AFF4: variants seen among roughly 807,000 people sequenced by gnomAD.
AFF4 encodes ALF transcription elongation factor 4, also known as AF4/FMR2 family member 4.
A neutral mutation model predicts 124.8 loss-of-function variants in AFF4; 13 were observed. The ratio of observed to expected loss-of-function variants is 0.10; its 90% CI spans 0.07 to 0.17. AFF4 has a LOEUF of 0.17. AFF4 is among the 10% of genes least tolerant of loss of function. AFF4 has a pLI of 1.00. For missense variants in AFF4, 1,092 were observed against 1,403.8 expected (o/e 0.78, Z 3.55); for synonymous variants, 477 against 496.1 (o/e 0.96, Z 0.51).
chr5:132,960,103 G>A (rs114940720), intron 1 of AFF4, among the ~76,000 whole-genome samples: 1 of 152,126 alleles, frequency 6.6e-6, no homozygotes, highest in African/African-American at 2.4e-5. Context: ...AAGGTAACAG[G>A]TCAGGTTAGC....
chr5:132,880,419 T>C lies in AFF4; in HGVS notation c.*640A>G, dbSNP rs954797928. ...AGACACATTTCATAGTACATACATG[T>C]AGAATGCCATTTTCTCATATTTAAG... is the stretch of plus-strand genomic sequence containing the variant. On this transcript the variant is annotated 3_prime_UTR_variant, in exon 21 of 21. Transcript: ENST00000265343. 4.8e-5 allele frequency: 19 copies of C among 398,566 alleles called. No homozygotes were observed. The highest frequency in any genetic ancestry group is 6.2e-4 in the Middle Eastern group (1 of 1,606). 24.7% of individuals were successfully genotyped at this position (398,566 alleles called of 1,614,324 possible). A position where few individuals can be genotyped will look rare whatever the true frequency, so the allele number is the denominator to read the frequency against.
chr5:132,931,682 G>A (rs1208379135), intron 4 of AFF4, among the ~76,000 whole-genome samples: 1 of 152,194 alleles, frequency 6.6e-6, no homozygotes, highest in East Asian at 1.9e-4. Context: ...GCGGCCAGGC[G>A]CGGTGACTCA....
intron 20 of AFF4, among the ~76,000 whole-genome samples, chr5:132,882,562 T>C (rs985588925): frequency 6.6e-6 from 1 of 152,048 alleles, no homozygotes; most frequent in African/African-American, 2.4e-5. Context: ...TTTTAAAGAA[T>C]GTTAAGAATT....
Position 132,896,706 on chromosome 5 carries a change from C to T in AFF4, c.1924G>A (p.Glu642Lys), listed in dbSNP as rs1431582988. ...GATGAGGTATCTGTTTCTATGATTT[C>T]CCTTGATTTCTGGGAAGATTTACTT... ...STSKSSQKSR[E>K]IIETDTSSSD... The change falls in exon 11 of 21, where the codon GAA (glutamate) becomes AAA (lysine). Residue 642 changes from glutamate to lysine, a missense_variant. Coordinates refer to ENST00000265343, the MANE Select transcript of AFF4 (RefSeq NM_014423.4). The T allele has an allele frequency of 6.2e-7, 1 of 1,614,078 alleles. No individual in the cohort carries two copies. Among genetic ancestry groups the T allele is most frequent in the Non-Finnish European group, 8.5e-7 (1 of 1,180,018 alleles).
chr5:132,886,137 A>G (rs1760113642), intron 18 of AFF4, among the ~76,000 whole-genome samples, 173 bp downstream of exon 18: 1 of 152,234 alleles, frequency 6.6e-6, no homozygotes, highest in Admixed American at 6.5e-5. Flanking sequence ...TTCTACAATC[A>G]GATACACGTA....
chr5:132,936,420 C>G (rs1343326213), intron 2 of AFF4, among the ~76,000 whole-genome samples: 1 of 151,742 alleles, frequency 6.6e-6, no homozygotes, highest in African/African-American at 2.4e-5. Context: ...AAAGTGATAC[C>G]CAAATGACTG....
Position 132,896,577 on chromosome 5 carries a change from C to A in AFF4, c.2053G>T (p.Asp685Tyr). The change falls in exon 11 of 21, where the codon GAT (aspartate) becomes TAT (tyrosine). Residue 685 changes from aspartate to tyrosine, a missense_variant. By Grantham distance (160) the Asp-to-Tyr change is radical. Coordinates refer to ENST00000265343, the MANE Select transcript of AFF4 (RefSeq NM_014423.4). ...PVKPSSVEEE[D>Y]SFFRQRMFSP... The stretch of plus-strand genomic sequence containing the variant: ...AACATTCGTTGCCGAAAAAAGCTAT[C>A]TTCTTCCTCCACTGAGGAGGGTTTA... 2.5e-6 allele frequency: 4 copies of A among 1,614,062 alleles called. No individual in the cohort carries two copies. The highest frequency in any genetic ancestry group is 3.4e-6 in the Non-Finnish European group (4 of 1,180,034).
In AFF4 at chr5:132,880,990, T is replaced by C. The variant is rs1759962198; in HGVS notation, c.*69A>G. 6 of 1,561,684 alleles carry C rather than the reference T, an allele frequency of 3.8e-6. No homozygotes were observed. The African/African-American group carries it at 4.1e-5, about 11-fold the overall frequency. ...TTAGTGTCGACTAGGTGGTATGTTA[T>C]GGCAGTTTTCCTTCGTGATGTGACA... On this transcript the variant is annotated 3_prime_UTR_variant, in exon 21 of 21. Transcript: ENST00000265343.
intron 5 of AFF4, among the ~76,000 whole-genome samples, chr5:132,908,282 T>G (rs1375631714): frequency 6.6e-6 from 1 of 152,152 alleles, no homozygotes; most frequent in Non-Finnish European, 1.5e-5. Context: ...TTTAAATATA[T>G]TTATGAATGA....
intron 1 of AFF4, among the ~76,000 whole-genome samples, chr5:132,961,689 T>C (rs1280968350): frequency 2.6e-5 from 4 of 152,184 alleles, no homozygotes; most frequent in South Asian, 2.1e-4. Flanking sequence ...TCCCAAACTG[T>C]AGATCATGTT....
At chr5:132,963,071 T>C (rs1477722789) in intron 1 of AFF4, among the ~76,000 whole-genome samples, 188 bp downstream of exon 1, 1 of 152,164 alleles carries the variant, frequency 6.6e-6, no homozygotes, top group Non-Finnish European at 1.5e-5. Context: ...TATTTTCTTA[T>C]CTTTGCGGGA....
intron 5 of AFF4, among the ~76,000 whole-genome samples, chr5:132,920,095 G>A (rs1405589700): frequency 6.6e-6 from 1 of 151,872 alleles, no homozygotes; most frequent in East Asian, 1.9e-4. Context: ...TGTTGCCCAG[G>A]CTGGAGTGCA....
At chr5:132,956,180 G>A (rs999747056) in intron 1 of AFF4, among the ~76,000 whole-genome samples, 4 of 152,004 alleles carry the variant, frequency 2.6e-5, no homozygotes, top group African/African-American at 4.8e-5. Context: ...AATGTTTTTA[G>A]GGCCACAGTA....
chr5:132,923,232 T>C (rs1761092031), intron 5 of AFF4, among the ~76,000 whole-genome samples: 1 of 152,096 alleles, frequency 6.6e-6, no homozygotes, highest in South Asian at 2.1e-4. Context: ...ATGCCTGTAG[T>C]TCCCGCTACT....
chr5:132,926,833 T>TC (rs2150092988), intron 5 of AFF4: 1 of 250,974 alleles, frequency 4.0e-6, no homozygotes, highest in East Asian at 1.3e-4. Context: ...GTGCTGGGAT[T>TC]ACAGGAGTGA....
At chr5:132,897,709 TA>T (rs35269196) in intron 10 of AFF4, among the ~76,000 whole-genome samples, 71,469 of 144,456 alleles carry the variant, frequency 0.49, 17,431 homozygotes, top group South Asian at 0.57. Flanking sequence ...GACTCCATCT[TA>T]AAAAAAAAAA....
At chr5:132,943,056 T>TA (rs2150105302) in intron 1 of AFF4, 1 of 204,930 alleles carries the variant, frequency 4.9e-6, no homozygotes, top group Non-Finnish European at 1.0e-5. Context: ...AAGTATTATG[T>TA]AACTAGTTGA....
intron 5 of AFF4, among the ~76,000 whole-genome samples, chr5:132,920,537 T>A (rs1478409962): frequency 6.6e-6 from 1 of 151,670 alleles, no homozygotes; most frequent in Non-Finnish European, 1.5e-5. Context: ...ACATTTTTTG[T>A]AGAGGTGGGG....
intron 4 of AFF4, among the ~76,000 whole-genome samples, chr5:132,927,795 T>G (rs1392693181): frequency 6.6e-6 from 1 of 151,974 alleles, no homozygotes; most frequent in Non-Finnish European, 1.5e-5. Flanking sequence ...GTAGAAAAAT[T>G]TTGTCAGGGG....
Sources: allele counts gnomAD v4.1 joint callset (sites outside exome capture counted in the v4.1 genomes callset), GRCh38; gene constraint gnomAD v4.1.1; transcripts MANE v1.5; gene names NCBI Gene and HGNC (gene_info 2026-07-23, HGNC 2026-07-21).